The following COG5 variants were observed in gnomAD, a reference collection of about 807,000 sequenced individuals.
COG5 encodes the protein component of oligomeric golgi complex 5, also known as conserved oligomeric Golgi complex subunit 5.
A neutral mutation model predicts 110.4 loss-of-function variants in COG5; 86 were observed. The observed-to-expected ratio is 0.78, with a 90% CI of 0.65 to 0.93. The LOEUF (loss-of-function observed/expected upper bound fraction) is 0.93, where lower values mean the gene tolerates loss of function less well. COG5 is among the 40% of genes least tolerant of loss of function. COG5 has a pLI of 0.00. For missense variants in COG5, 1,077 were observed against 987.0 expected, an observed-to-expected ratio of 1.09 and a Z score of -1.22; for synonymous variants, 360 against 334.6, an observed-to-expected ratio of 1.08 and a Z score of -0.83.
intron 10 of COG5, among the ~76,000 whole-genome samples, chr7:107,344,656 C>G (rs532699120): frequency 6.6e-6 from 1 of 152,168 alleles, no homozygotes; most frequent in Non-Finnish European, 1.5e-5. Context: ...TCCTGAGTAG[C>G]TGGGATTACA....
chr7:107,318,546 TA>T (rs1808967956), intron 11 of COG5, among the ~76,000 whole-genome samples: 1 of 152,188 alleles, frequency 6.6e-6, no homozygotes, highest in African/African-American at 2.4e-5. Flanking sequence ...TTTTTTGGCT[TA>T]AACAGCAAAA....
intron 6 of COG5, among the ~76,000 whole-genome samples, chr7:107,514,550 T>C (rs1414160771): frequency 1.3e-5 from 2 of 152,210 alleles, no homozygotes; most frequent in African/African-American, 4.8e-5. Context: ...ATCCCTTTTA[T>C]GAAGCAATTA....
intron 16 of COG5, among the ~76,000 whole-genome samples, chr7:107,252,791 G>T (rs1366584342): frequency 3.9e-5 from 6 of 152,084 alleles, no homozygotes; most frequent in African/African-American, 1.4e-4. Context: ...TTCATTAGCA[G>T]AATAAAAGAG....
intron 6 of COG5, among the ~76,000 whole-genome samples, chr7:107,442,200 G>A (rs1458688213): frequency 6.6e-6 from 1 of 152,132 alleles, no homozygotes. Flanking sequence ...GTTTAAAAGT[G>A]TGCAGCACTT....
At chr7:107,390,713 AG>A (rs1790563410) in intron 7 of COG5, among the ~76,000 whole-genome samples, 1 of 150,136 alleles carries the variant, frequency 6.7e-6, no homozygotes, top group Non-Finnish European at 1.5e-5. Context: ...TGACTGGAAA[AG>A]AATGTTACTA....
intron 7 of COG5, among the ~76,000 whole-genome samples, chr7:107,399,394 G>C (rs1036428365): frequency 6.7e-6 from 1 of 149,086 alleles, no homozygotes; most frequent in Admixed American, 6.7e-5. Context: ...GAACCTGGTG[G>C]GAGGTGATTG....
At chr7:107,345,267 A>G (rs1477292370) in intron 10 of COG5, among the ~76,000 whole-genome samples, 1 of 152,178 alleles carries the variant, frequency 6.6e-6, no homozygotes. Context: ...TAACAGATAA[A>G]ATAACAAAAA....
intron 19 of COG5, among the ~76,000 whole-genome samples, chr7:107,218,987 A>G (rs1419301259): frequency 6.6e-6 from 1 of 152,162 alleles, no homozygotes; most frequent in Non-Finnish European, 1.5e-5. Flanking sequence ...TCTATACGGA[A>G]CACAAAAATG....
intron 21 of COG5, among the ~76,000 whole-genome samples, chr7:107,205,580 G>T (rs1345427526): frequency 6.6e-6 from 1 of 152,198 alleles, no homozygotes; most frequent in Non-Finnish European, 1.5e-5. Context: ...CAAAGGGCCT[G>T]TTTATCTTTG....
intron 17 of COG5, among the ~76,000 whole-genome samples, chr7:107,240,280 A>G (rs1801512286): frequency 6.6e-6 from 1 of 152,130 alleles, no homozygotes; most frequent in Non-Finnish European, 1.5e-5. Flanking sequence ...CAGTGGCTCG[A>G]TCTTGGCTCA....
At chr7:107,299,254 A>G (rs1261281590) in intron 11 of COG5, among the ~76,000 whole-genome samples, 4 of 152,238 alleles carry the variant, frequency 2.6e-5, no homozygotes, top group East Asian at 3.9e-4. Flanking sequence ...CTTTGAAAAG[A>G]TAAGTAAAAT....
chr7:107,355,445 G>A (rs537806242), intron 10 of COG5, among the ~76,000 whole-genome samples: 2 of 152,276 alleles, frequency 1.3e-5, no homozygotes, highest in African/African-American at 4.8e-5. Context: ...AATGCAAAAG[G>A]CTGAGCAAGA....
chr7:107,385,810 T>C (rs1033399740), intron 7 of COG5, among the ~76,000 whole-genome samples: 2 of 151,142 alleles, frequency 1.3e-5, no homozygotes, highest in African/African-American at 4.9e-5. Flanking sequence ...ATTTTCTTTT[T>C]TTTTTTTTTT....
intron 7 of COG5, among the ~76,000 whole-genome samples, chr7:107,379,856 A>G (rs578041848): frequency 6.6e-6 from 1 of 152,146 alleles, no homozygotes; most frequent in African/African-American, 2.4e-5. Context: ...CCCACTGTCA[A>G]TATGAGATCA....
chr7:107,361,255 T>C (rs1313387939), intron 10 of COG5, among the ~76,000 whole-genome samples: 1 of 152,176 alleles, frequency 6.6e-6, no homozygotes, highest in East Asian at 1.9e-4. Flanking sequence ...AAAGAATTCT[T>C]ATGGCCCATG....
At chr7:107,495,952 A>ATTT (rs139183279) in intron 6 of COG5, among the ~76,000 whole-genome samples, 2 of 148,452 alleles carry the variant, frequency 1.3e-5, no homozygotes, top group Non-Finnish European at 3.0e-5. Context: ...TTTTTTAATT[A>ATTT]TTTTTTTTTT....
In COG5 at chr7:107,527,292, T is replaced by C. The variant is rs767611636; in HGVS notation, c.483A>G (p.Gln161=). The C allele has an allele frequency of 4.3e-6, 7 of 1,612,618 alleles. No individual in the cohort carries two copies. The South Asian group carries it at 5.5e-5, about 13-fold the overall frequency. Residue 161 remains glutamine, a synonymous_variant, in exon 6 of 22, where the codon CAA becomes CAG. Coordinates refer to ENST00000297135, the MANE Select transcript of COG5 (RefSeq NM_006348.5). ...TTATCTCTCTACTTCCCCCTTGCAG[T>C]TGTCCTTGGAGTCTCTTACTGAGAT... ...ILNLSKRLQG[Q]LQGGSREITK...
At position 107,248,518 on chromosome 7, in the gene COG5, G is replaced by C; in HGVS notation, c.1750-19C>G. 1 of 1,483,448 alleles carries C rather than the reference G, an allele frequency of 6.7e-7. No individual in the cohort carries two copies. Among genetic ancestry groups the C allele is most frequent in the Non-Finnish European group, 9.3e-7 (1 of 1,076,446 alleles). The allele number at this position is 1,483,448 out of a possible 1,614,324, so 91.9% of individuals were successfully genotyped here. A position where few individuals can be genotyped will look rare whatever the true frequency, so the allele number is the denominator to read the frequency against. ...GAATAGCCTAAAAAAAAAAAAGAAA[G>C]AAAAAAAAGAAGAGGCAAGATTAAA... is the stretch of plus-strand genomic sequence containing the variant. On this transcript the variant is annotated intron_variant, in intron 16 of 21. Transcript: ENST00000297135.
chr7:107,380,250 A>G (rs1179890251), intron 7 of COG5, among the ~76,000 whole-genome samples: 1 of 152,234 alleles, frequency 6.6e-6, no homozygotes, highest in Non-Finnish European at 1.5e-5. Context: ...CACAATTAAA[A>G]GAACTAGAGA....
Sources: gnomAD v4.1 joint callset for allele counts (sites outside exome capture counted in the v4.1 genomes callset) on GRCh38, gnomAD v4.1.1 for gene constraint, MANE v1.5 for transcripts, NCBI Gene and HGNC (gene_info 2026-07-23, HGNC 2026-07-21) for gene names.